Variants in ATF7IP observed in about 807,000 individuals in gnomAD.
The protein encoded by ATF7IP is activating transcription factor 7-interacting protein 1.
ATF7IP carries 23 observed loss-of-function variants against 106.4 expected under a neutral mutation model. The ratio of observed to expected loss-of-function variants is 0.22; its 90% CI spans 0.16 to 0.31. ATF7IP has a LOEUF of 0.31. Ranked by LOEUF, ATF7IP falls within the 10% of genes least tolerant of loss-of-function variation. The pLI is 1.00. For synonymous variants in ATF7IP, 542 were observed against 539.0 expected (o/e 1.01, Z -0.08); for missense variants, 1,334 against 1,524.3 (o/e 0.88, Z 2.08).
chr12:14,466,540 A>G lies in ATF7IP; in HGVS notation c.2812A>G (p.Lys938Glu). ...TTACTTTTCAGAAAACCAGACAAAC[A>G]AAACAATAGATGCTTCTGTCAGTAA... ...TTPRIENQTN[K>E]TIDASVSKKA... is the part of the protein sequence containing the mutation. Residue 938 changes from lysine to glutamate, a missense_variant, in exon 10 of 15, where the codon AAA (lysine) becomes GAA (glutamate). Physicochemically the swap from Lys to Glu is moderately conservative, Grantham distance 56 (BLOSUM62 1). Coordinates refer to ENST00000261168, the MANE Select transcript of ATF7IP (RefSeq NM_018179.5). The G allele has an allele frequency of 1.2e-6, 2 of 1,601,718 alleles. No homozygotes were observed. The highest frequency in any genetic ancestry group is 1.7e-6 in the Non-Finnish European group (2 of 1,176,338).
At chr12:14,437,433 C>T (rs988420978) in intron 4 of ATF7IP, among the ~76,000 whole-genome samples, 4 of 152,052 alleles carry the variant, frequency 2.6e-5, no homozygotes, top group African/African-American at 9.7e-5. Flanking sequence ...TTCAGTCTTT[C>T]TTACAGAGCT....
At chr12:14,473,288 C>CTGTGTGTGTG (rs796814505) in intron 10 of ATF7IP, among the ~76,000 whole-genome samples, 19 of 140,432 alleles carry the variant, frequency 1.4e-4, no homozygotes, top group African/African-American at 2.6e-4. Context: ...CTCTCTCTCT[C>CTGTGTGTGTG]TCTGTGTGTG....
chr12:14,377,247 G>T (rs568916832), intron 1 of ATF7IP, among the ~76,000 whole-genome samples: 1 of 151,870 alleles, frequency 6.6e-6, no homozygotes. Context: ...TGCCTGCTTC[G>T]GCCTCCCAAA....
At chr12:14,416,741 G>A (rs116390569) in intron 1 of ATF7IP, among the ~76,000 whole-genome samples, 88 of 152,266 alleles carry the variant, frequency 5.8e-4, no homozygotes, top group African/African-American at 2.1e-3. Flanking sequence ...TTTTAATAGA[G>A]CTCTTGCCCT....
chr12:14,442,290 T>C (rs149038600), intron 5 of ATF7IP, among the ~76,000 whole-genome samples: 2 of 152,322 alleles, frequency 1.3e-5, no homozygotes, highest in East Asian at 3.9e-4. Flanking sequence ...AAATCAAATA[T>C]CATTATGATT....
intron 6 of ATF7IP, among the ~76,000 whole-genome samples, chr12:14,455,238 C>G (rs527658710): frequency 2.0e-5 from 3 of 151,492 alleles, no homozygotes; most frequent in African/African-American, 7.2e-5. Flanking sequence ...ATTCCTTTCC[C>G]TAAAAGCTTT....
rs1230382791 is a variant in ATF7IP, at chr12:14,436,360, TAGAA to T, written c.1791+118_1791+121del. Reference sequence around the variant, plus strand: ...TTTATTGACATAATGTGGTTTATCATAGAAAGAAAGAACTTGAAGAAAGTGGTTG... The same window carrying T: ...TTTATTGACATAATGTGGTTTATCATAGAAAGAACTTGAAGAAAGTGGTTG... On this transcript the variant is annotated intron_variant, in intron 4 of 14. Transcript: ENST00000261168. 5 of 1,164,910 alleles carry T rather than the reference TAGAA, an allele frequency of 4.3e-6. No homozygotes were observed. In the African/African-American group the frequency reaches 4.7e-5, roughly 11 times the overall value. The allele number at this position is 1,164,910 out of a possible 1,614,324, so 72.2% of individuals were successfully genotyped here. A position where few individuals can be genotyped will look rare whatever the true frequency, so the allele number is the denominator to read the frequency against.
At position 14,425,057 on chromosome 12, in the gene ATF7IP, T is replaced by G. The variant is rs375320471; in HGVS notation, c.1142T>G (p.Leu381Arg). The G allele has an allele frequency of 1.3e-5, 21 of 1,604,570 alleles. No individual in the cohort carries two copies. Among genetic ancestry groups the G allele is most frequent in the Non-Finnish European group, 1.8e-5 (21 of 1,177,574 alleles). The part of the protein sequence containing the change: ...VEEDIITELA[L>R]GEDAISSSME... ...GAAGATATTATCACAGAGCTTGCTC[T>G]TGGAGAAGATGCTATATCTAGCAGT... Residue 381 changes from leucine to arginine, a missense_variant, in exon 2 of 15, where the codon CTT becomes CGT. By Grantham distance (102) the Leu-to-Arg change is moderately radical (BLOSUM62 -2). Around this residue, in one of 10 missense-constraint regions of ATF7IP, gnomAD observed 438 missense variants for 405.3 expected, o/e 1.08. Coordinates refer to ENST00000261168, the MANE Select transcript of ATF7IP (RefSeq NM_018179.5).
At chr12:14,398,605 T>C (rs1939997578) in intron 1 of ATF7IP, among the ~76,000 whole-genome samples, 1 of 151,956 alleles carries the variant, frequency 6.6e-6, no homozygotes, top group Non-Finnish European at 1.5e-5. Flanking sequence ...TTCTATTTAT[T>C]TTTGTTATTC....
rs779146201 is a variant in ATF7IP, at chr12:14,425,159, T to C, written c.1244T>C (p.Ile415Thr). 3 of 1,593,496 alleles carry C rather than the reference T, an allele frequency of 1.9e-6. No homozygotes were observed. Among genetic ancestry groups the C allele is most frequent in the Non-Finnish European group, 1.7e-6 (2 of 1,174,124 alleles). ...DLVETINENVIEDNKSENILE... is the reference protein window; with the variant it reads ...DLVETINENVTEDNKSENILE... ...GTAGAAACGATTAATGAAAATGTTA[T>C]TGAAGATAACAAAAGTGAGAATATC... Residue 415 changes from isoleucine (I) to threonine (T), a missense_variant, in exon 2 of 15, where the codon ATT becomes ACT. Physicochemically the swap from Ile to Thr is moderately conservative, Grantham distance 89 (BLOSUM62 -1). Around this residue, in one of 10 missense-constraint regions of ATF7IP, gnomAD observed 438 missense variants for 405.3 expected, o/e 1.08. Coordinates refer to ENST00000261168, the MANE Select transcript of ATF7IP (RefSeq NM_018179.5).
intron 9 of ATF7IP, among the ~76,000 whole-genome samples, chr12:14,463,217 T>G (rs1027278798): frequency 6.6e-6 from 1 of 152,142 alleles, no homozygotes; most frequent in African/African-American, 2.4e-5. Flanking sequence ...TCTATACTTA[T>G]GTGGGTATTA....
chr12:14,495,876 A>C (rs528854789), intron 13 of ATF7IP, among the ~76,000 whole-genome samples: 37 of 152,256 alleles, frequency 2.4e-4, no homozygotes, highest in African/African-American at 7.0e-4. Context: ...TTTTGTTCAT[A>C]GTTCTCCTGG....
chr12:14,416,266 G>A (rs953621474), intron 1 of ATF7IP, among the ~76,000 whole-genome samples: 68 of 134,606 alleles, frequency 5.1e-4, no homozygotes, highest in Non-Finnish European at 1.0e-3. Context: ...TCAGCATAAA[G>A]TGATTATTTA....
chr12:14,400,893 G>C (rs933443634), intron 1 of ATF7IP, among the ~76,000 whole-genome samples: 17 of 152,034 alleles, frequency 1.1e-4, no homozygotes, highest in African/African-American at 3.9e-4. Context: ...TGATTAGGTT[G>C]AATGCCTTTT....
At chr12:14,472,502 T>C (rs1451184749) in intron 10 of ATF7IP, among the ~76,000 whole-genome samples, 1 of 152,184 alleles carries the variant, frequency 6.6e-6, no homozygotes, top group Non-Finnish European at 1.5e-5. Flanking sequence ...ATACCTATTT[T>C]CCCACCTGCA....
intron 1 of ATF7IP, among the ~76,000 whole-genome samples, chr12:14,382,052 T>C (rs1939025036): frequency 6.6e-6 from 1 of 152,112 alleles, no homozygotes; most frequent in South Asian, 2.1e-4. Context: ...TTTTAAAAAT[T>C]AGCCAGTTGT....
At chr12:14,367,031 G>A (rs1027038681) in intron 1 of ATF7IP, among the ~76,000 whole-genome samples, 4 of 152,100 alleles carry the variant, frequency 2.6e-5, no homozygotes, top group African/African-American at 9.7e-5. Context: ...ACAATTGGGG[G>A]AAGTTATATA....
At position 14,498,211 on chromosome 12, in the gene ATF7IP, T is replaced by G; in HGVS notation, c.*138T>G. 1 of 794,772 alleles carries G rather than the reference T, an allele frequency of 1.3e-6. No homozygotes were observed. The highest frequency in any genetic ancestry group is 3.8e-4 in the Middle Eastern group (1 of 2,636). The allele number at this position is 794,772 out of a possible 1,614,324, so 49.2% of individuals were successfully genotyped here. ...GATGTGTGTATACACTACATTTGTT[T>G]ATAACCAGAAGCAAAATAAACTCAG... On this transcript the variant is annotated 3_prime_UTR_variant, in exon 15 of 15. Transcript: ENST00000261168.
intron 11 of ATF7IP, among the ~76,000 whole-genome samples, chr12:14,476,867 T>C (rs556270406): frequency 6.6e-6 from 1 of 152,224 alleles, no homozygotes; most frequent in African/African-American, 2.4e-5. Flanking sequence ...ACCATATTCC[T>C]AGTTATTCTG....
Sources: gnomAD v4.1 joint callset for allele counts (sites outside exome capture counted in the v4.1 genomes callset) on GRCh38, gnomAD v4.1.1 for gene constraint, gnomAD v4.1.1 regional missense constraint, MANE v1.5 for transcripts, NCBI Gene and HGNC (gene_info 2026-07-23, HGNC 2026-07-21) for gene names.